The following NPR3 variants were observed in gnomAD, a reference collection of about 807,000 sequenced individuals.
The protein encoded by NPR3 is atrial natriuretic peptide receptor 3.
NPR3 carries 34 observed loss-of-function variants against 54.5 expected under a neutral mutation model. The ratio of observed to expected loss-of-function variants is 0.62; its 90% confidence interval spans 0.47 to 0.83. NPR3 has a LOEUF of 0.83. Ranked by LOEUF, NPR3 falls within the 40% of genes least tolerant of loss-of-function variation. NPR3 has a pLI of 0.00. For synonymous variants in NPR3, 289 were observed against 297.1 expected, an observed-to-expected ratio of 0.97 and a Z score of 0.28; for missense variants, 674 against 720.8, an observed-to-expected ratio of 0.94 and a Z score of 0.74.
At chr5:32,713,150 C>G in intron 1 of NPR3, 1 of 985,018 alleles carries the variant, frequency 1.0e-6, no homozygotes, top group Non-Finnish European at 1.2e-6. Context: ...TCTGTGGTTT[C>G]CACCAAAAAT....
At chr5:32,784,042 C>T (rs182427626) in intron 6 of NPR3, among the ~76,000 whole-genome samples, 22 of 152,296 alleles carry the variant, frequency 1.4e-4, no homozygotes, top group Non-Finnish European at 1.5e-4. Flanking sequence ...TGACATGAAA[C>T]GCTGGCTTTG....
At chr5:32,713,196 C>G in intron 1 of NPR3, 1 of 985,440 alleles carries the variant, frequency 1.0e-6, no homozygotes, top group Non-Finnish European at 1.2e-6. Flanking sequence ...ACACTCACTT[C>G]TCCCAGAGTG....
At chr5:32,699,936 T>A (rs773928993) in intron 1 of NPR3, among the ~76,000 whole-genome samples, 10 of 152,246 alleles carry the variant, frequency 6.6e-5, no homozygotes, top group Non-Finnish European at 1.2e-4. Flanking sequence ...TTTAATTTTC[T>A]TTCATGTTTG....
chr5:32,729,189 C>A (rs941093554), intron 2 of NPR3, among the ~76,000 whole-genome samples: 1 of 151,360 alleles, frequency 6.6e-6, no homozygotes, highest in Non-Finnish European at 1.5e-5. Context: ...GCCACTACGC[C>A]CGGCTAATTT....
chr5:32,700,550 C>T (rs1216384433), intron 1 of NPR3, among the ~76,000 whole-genome samples: 1 of 151,922 alleles, frequency 6.6e-6, no homozygotes, highest in Non-Finnish European at 1.5e-5. Context: ...TTCCCCAGCC[C>T]CCCACCCCCC....
upstream of NPR3, chr5:32,709,936 T>A (rs1738124586): frequency 6.6e-6 from 1 of 152,040 alleles, no homozygotes; most frequent in Non-Finnish European, 1.5e-5. Flanking sequence ...CTAAAAGAAA[T>A]TTGTGGACAC....
rs540902606 is a variant in NPR3 at position 32,771,050 on chromosome 5, GT to G, written c.1060-3646del. Among the ~76,000 whole-genome samples the G allele has an allele frequency of 4.1e-3, 598 of 146,632 alleles. 3 individuals carry two copies. The highest frequency in any genetic ancestry group is 0.012 in the African/African-American group (483 of 40,238). The stretch of plus-strand genomic sequence containing the variant: ...TGTTCTTAAGCTAACTTCATACATG[GT>G]TTTTTTTTTTTCTCCCTTATTTTTT... On this transcript the variant is annotated intron_variant, in intron 3 of 7. Coordinates refer to ENST00000265074, the MANE Select transcript of NPR3 (RefSeq NM_001204375.2).
At chr5:32,752,031 G>A (rs1394579923) in intron 3 of NPR3, among the ~76,000 whole-genome samples, 2 of 151,964 alleles carry the variant, frequency 1.3e-5, no homozygotes, top group East Asian at 1.9e-4. Flanking sequence ...GTGAAACCCC[G>A]TCTCTACTAA....
intron 2 of NPR3, among the ~76,000 whole-genome samples, chr5:32,730,807 A>G (rs776139490): frequency 6.6e-6 from 1 of 152,200 alleles, no homozygotes; most frequent in Non-Finnish European, 1.5e-5. Context: ...GAAACCACTA[A>G]TGAAAGAAAT....
chr5:32,741,235 T>C (rs1289432870), intron 3 of NPR3, among the ~76,000 whole-genome samples: 1 of 151,922 alleles, frequency 6.6e-6, no homozygotes, highest in East Asian at 1.9e-4. Context: ...TTGGGCAACA[T>C]GGTAAAACCT....
chr5:32,704,020 T>A (rs987496281), intron 1 of NPR3, among the ~76,000 whole-genome samples: 1 of 152,240 alleles, frequency 6.6e-6, no homozygotes, highest in Admixed American at 6.5e-5. Flanking sequence ...GCTTGTTGTA[T>A]CTCAGGTTCC....
chr5:32,693,791 G>A (rs1025673232), intron 1 of NPR3, among the ~76,000 whole-genome samples: 17 of 152,042 alleles, frequency 1.1e-4, no homozygotes, highest in South Asian at 4.2e-4. Flanking sequence ...GCCCTGGGCC[G>A]GACATTTTTA....
chr5:32,718,951 CCA>C (rs1477558670), intron 1 of NPR3, among the ~76,000 whole-genome samples: 2 of 152,148 alleles, frequency 1.3e-5, no homozygotes, highest in African/African-American at 4.8e-5. Context: ...AAAACTGCTT[CCA>C]GTTTTTGCCC....
rs573323565 is a variant in NPR3, at chr5:32,760,496, C to T, written c.1060-14212C>T. Among the ~76,000 whole-genome samples, 11 of 152,144 alleles carry T rather than the reference C, an allele frequency of 7.2e-5. No individual in the cohort carries two copies. In the South Asian group the frequency reaches 8.3e-4, roughly 12 times the overall value. Reference sequence around the variant, plus strand: ...TTGTTGGCTACTTCACTTTTGTGACCGGTCTGCTGAAATACTTTGCTTATT... The same window carrying T: ...TTGTTGGCTACTTCACTTTTGTGACTGGTCTGCTGAAATACTTTGCTTATT... On this transcript the variant is annotated intron_variant, in intron 3 of 7. Coordinates refer to ENST00000265074, the MANE Select transcript of NPR3 (RefSeq NM_001204375.2).
intron 1 of NPR3, among the ~76,000 whole-genome samples, chr5:32,720,068 C>A (rs1264507972): frequency 6.6e-6 from 1 of 152,188 alleles, no homozygotes; most frequent in East Asian, 1.9e-4. Flanking sequence ...CTTGCTATTA[C>A]TTCCTCCCAG....
chr5:32,735,627 C>G (rs114788692), intron 2 of NPR3, among the ~76,000 whole-genome samples: 2,179 of 152,292 alleles, frequency 0.014, 54 homozygotes, highest in African/African-American at 0.05. Flanking sequence ...GTGTCTCCCC[C>G]ACCCTAATCC....
At chr5:32,701,225 A>G (rs1254284706) in intron 1 of NPR3, among the ~76,000 whole-genome samples, 1 of 151,700 alleles carries the variant, frequency 6.6e-6, no homozygotes, top group Non-Finnish European at 1.5e-5. Context: ...CTGACTATGT[A>G]TTTTCAAATA....
chr5:32,783,262 C>T, intron 6 of NPR3: 1 of 415,710 alleles, frequency 2.4e-6, no homozygotes, highest in Non-Finnish European at 4.2e-6. Context: ...ACATCTCTTA[C>T]TATAATCTCT....
At position 32,742,901 on chromosome 5, in the gene NPR3, A is replaced by G. The variant is rs1740108131; in HGVS notation, c.1059+3871A>G. Among the ~76,000 whole-genome samples the G allele has an allele frequency of 3.9e-5, 6 of 152,172 alleles. No homozygotes were observed. In the South Asian group the frequency reaches 1.2e-3, roughly 32 times the overall value. On this transcript the variant is annotated intron_variant, in intron 3 of 7. Transcript: ENST00000265074. ...CATAGATTTTTTTACTTTAGGCGTT[A>G]TGTATTGTATGATACCACTGACTCT...
Sources: gnomAD v4.1 joint callset for allele counts (sites outside exome capture counted in the v4.1 genomes callset) on GRCh38, gnomAD v4.1.1 for gene constraint, MANE v1.5 for transcripts, NCBI Gene and HGNC (gene_info 2026-07-23, HGNC 2026-07-21) for gene names.